SLIT2: variants seen among roughly 807,000 people sequenced by gnomAD.
SLIT2 encodes the protein slit homolog 2 protein.
A neutral mutation model predicts 185.7 loss-of-function variants in SLIT2; 41 were observed. The ratio of observed to expected loss-of-function variants is 0.22; its 90% confidence interval spans 0.17 to 0.29. SLIT2 has a LOEUF of 0.29. Among genes scored for constraint, SLIT2 ranks in the 10% least tolerant of loss-of-function variants. SLIT2 has a pLI of 1.00. For synonymous variants in SLIT2, 693 were observed against 680.2 expected (o/e 1.02, Z -0.29); for missense variants, 1,571 against 1,909.0 (o/e 0.82, Z 3.30).
rs763687239 is a variant in SLIT2 at position 20,618,901 on chromosome 4, G to C, written c.4482G>C (p.Pro1494=). ...GTGCAGGAGGGCAGTGCTGTGGACC[G>C]CTGAGGAGCAAGCGGCGGAAATACT... The part of the protein sequence containing the change: ...GGCAGGQCCG[P]LRSKRRKYSF... Residue 1494 remains proline, a synonymous_variant, in exon 37 of 37, where the codon CCG becomes CCC. Coordinates refer to ENST00000504154, the MANE Select transcript of SLIT2 (RefSeq NM_004787.4). 1.9e-6 allele frequency: 3 copies of C among 1,614,114 alleles called. No homozygotes were observed. Among genetic ancestry groups the C allele is most frequent in the Non-Finnish European group, 8.5e-7 (1 of 1,180,012 alleles).
At position 20,587,688 on chromosome 4, in the gene SLIT2, T is replaced by C. The variant is rs910245092; in HGVS notation, c.3089-1956T>C. Among the ~76,000 whole-genome samples the C allele has an allele frequency of 2.6e-5, 4 of 152,336 alleles. No individual in the cohort carries two copies. The East Asian group carries it at 5.8e-4, about 22-fold the overall frequency. ...CTGTTCTTTCCCTAGCTCAAGACTT[T>C]CTCTGCTGGTAGATTAAGAACTGAT... On this transcript the variant is annotated intron_variant, in intron 29 of 36. Transcript: ENST00000504154.
chr4:20,293,664 C>T (rs1716187497), intron 4 of SLIT2, among the ~76,000 whole-genome samples: 1 of 152,180 alleles, frequency 6.6e-6, no homozygotes, highest in Admixed American at 6.5e-5. Context: ...ATTTGAAGAA[C>T]TAGAGGCATA....
At chr4:20,320,519 C>T (rs534502686) in intron 4 of SLIT2, among the ~76,000 whole-genome samples, 1 of 152,088 alleles carries the variant, frequency 6.6e-6, no homozygotes. Context: ...TTCTCCCTGC[C>T]TCTTGTCTAA....
At chr4:20,556,075 T>C (rs1053797902) in intron 26 of SLIT2, among the ~76,000 whole-genome samples, 1 of 152,074 alleles carries the variant, frequency 6.6e-6, no homozygotes, top group Admixed American at 6.6e-5. Context: ...TTTTATTTTA[T>C]TTAAAGTTGA....
intron 4 of SLIT2, among the ~76,000 whole-genome samples, chr4:20,368,266 G>A (rs1199841892): frequency 6.7e-6 from 1 of 148,408 alleles, no homozygotes; most frequent in East Asian, 2.0e-4. Flanking sequence ...AGAAAGAATG[G>A]GAAGTAGAGA....
At chr4:20,582,150 C>G (rs1726634443) in intron 29 of SLIT2, among the ~76,000 whole-genome samples, 1 of 152,168 alleles carries the variant, frequency 6.6e-6, no homozygotes, top group African/African-American at 2.4e-5. Context: ...GACCCTGTGG[C>G]CCAGCCAGCC....
At position 20,576,026 on chromosome 4, in the gene SLIT2, C is replaced by T. The variant is rs142591746; in HGVS notation, c.3088+7022C>T. 2.6e-3 allele frequency among the ~76,000 whole-genome samples: 401 copies of T among 152,286 alleles called. 10 individuals are homozygous for T. In the South Asian group the frequency reaches 0.061, roughly 23 times the overall value. On this transcript the variant is annotated intron_variant, in intron 29 of 36. Coordinates refer to ENST00000504154, the MANE Select transcript of SLIT2 (RefSeq NM_004787.4). ...ATATCTGTCATATAATTCACATAGA[C>T]ATTTGAGAGTAACATGTAACTATGT...
chr4:20,373,353 A>G (rs1038308944), intron 4 of SLIT2, among the ~76,000 whole-genome samples: 1 of 152,086 alleles, frequency 6.6e-6, no homozygotes. Flanking sequence ...CTAACTCAAT[A>G]ATGTATGAAA....
chr4:20,576,309 C>T (rs1295856250), intron 29 of SLIT2, among the ~76,000 whole-genome samples: 1 of 152,058 alleles, frequency 6.6e-6, no homozygotes, highest in Non-Finnish European at 1.5e-5. Flanking sequence ...TCAGTATTGT[C>T]TGTCTTTATT....
chr4:20,530,809 C>G (rs867677877), intron 16 of SLIT2, among the ~76,000 whole-genome samples: 1 of 151,928 alleles, frequency 6.6e-6, no homozygotes, highest in South Asian at 2.1e-4. Context: ...TTTTACTCAG[C>G]TAATGAATGG....
chr4:20,286,342 T>C (rs550278249), intron 4 of SLIT2, among the ~76,000 whole-genome samples: 1 of 152,284 alleles, frequency 6.6e-6, no homozygotes, highest in African/African-American at 2.4e-5. Context: ...TGGCTCCTTT[T>C]CCCTTCCTTA....
chr4:20,465,777 G>A (rs754893366), intron 4 of SLIT2, among the ~76,000 whole-genome samples: 9 of 152,032 alleles, frequency 5.9e-5, no homozygotes, highest in Non-Finnish European at 1.3e-4. Flanking sequence ...CTGACTTTCC[G>A]CCCAGCCCAC....
chr4:20,604,652 A>G (rs187203846), intron 33 of SLIT2, among the ~76,000 whole-genome samples: 3 of 151,842 alleles, frequency 2.0e-5, no homozygotes, highest in Admixed American at 6.6e-5. Flanking sequence ...CAGCCTACAT[A>G]GATATCTTTA....
At chr4:20,574,865 C>G (rs937845628) in intron 29 of SLIT2, among the ~76,000 whole-genome samples, 1 of 150,776 alleles carries the variant, frequency 6.6e-6, no homozygotes, top group African/African-American at 2.4e-5. Flanking sequence ...TTCATTTCCT[C>G]TGTTGCATTG....
At chr4:20,520,285 G>T (rs1417647521) in intron 12 of SLIT2, among the ~76,000 whole-genome samples, 1 of 152,082 alleles carries the variant, frequency 6.6e-6, no homozygotes, top group African/African-American at 2.4e-5. Flanking sequence ...TTGCAAAAAG[G>T]AGATTTAACA....
Position 20,484,923 on chromosome 4 carries a change from A to G in SLIT2, c.540-1277A>G, listed in dbSNP as rs1198626726. ...CTTTCTTCCATCTCTCTTGCCCATC[A>G]TTGTATATTTTTGCACGTGGCCTGC... On this transcript the variant is annotated intron_variant, in intron 6 of 36. Transcript: ENST00000504154. This position sits in a 1 kb window ranked among gnomAD's most constrained non-coding sequence, Gnocchi z 4.3. Among the ~76,000 whole-genome samples, 3 of 151,930 alleles carry G rather than the reference A, an allele frequency of 2.0e-5. No individual in the cohort carries two copies. Among genetic ancestry groups the G allele is most frequent in the Admixed American group, 1.3e-4 (2 of 15,228 alleles).
chr4:20,367,242 A>G (rs1483118831), intron 4 of SLIT2, among the ~76,000 whole-genome samples: 1 of 152,184 alleles, frequency 6.6e-6, no homozygotes, highest in East Asian at 1.9e-4. Context: ...TTACTCTGTG[A>G]TAAGGCATTA....
chr4:20,318,809 G>A (rs527319128), intron 4 of SLIT2, among the ~76,000 whole-genome samples: 3 of 152,124 alleles, frequency 2.0e-5, no homozygotes, highest in Non-Finnish European at 2.9e-5. Context: ...TTTATTCCAT[G>A]ACTTATTTCC....
intron 33 of SLIT2, among the ~76,000 whole-genome samples, chr4:20,601,807 C>CA: frequency 6.6e-6 from 1 of 152,134 alleles, no homozygotes; most frequent in East Asian, 1.9e-4. Flanking sequence ...AGTACATTTT[C>CA]AAATTTTGAT....
Sources: gnomAD v4.1 joint callset for allele counts (sites outside exome capture counted in the v4.1 genomes callset) on GRCh38, gnomAD v4.1.1 for gene constraint, Gnocchi (gnomAD v3.1) non-coding constraint, MANE v1.5 for transcripts, NCBI Gene and HGNC (gene_info 2026-07-23, HGNC 2026-07-21) for gene names.